A2ML1: variants seen among roughly 807,000 people sequenced by gnomAD.
A2ML1 encodes alpha-2-macroglobulin like 1.
Under a neutral mutation model 181.9 loss-of-function variants are expected in A2ML1, and 161 were observed. That is an observed-to-expected ratio of 0.89 (90% CI 0.78 to 1.01). The LOEUF (loss-of-function observed/expected upper bound fraction) is 1.01. A2ML1 is among the 50% of genes least tolerant of loss of function. The pLI, the probability that A2ML1 is intolerant of heterozygous loss-of-function variation, is 0.00. For synonymous variants in A2ML1, 663 were observed against 666.8 expected (o/e 0.99, Z 0.09); for missense variants, 1,670 against 1,768.1 (o/e 0.94, Z 1.00).
In A2ML1 at chr12:8,846,216, C is replaced by T. The variant is rs762982600; in HGVS notation, c.1677C>T (p.Asp559=). The change falls in exon 14 of 36, where the codon GAC becomes GAT. Residue 559 remains aspartate, a synonymous_variant. Transcript: ENST00000299698. ...KIQFSVEMCF[D]NQVSLGFSPS... ...AGTTCTCAGTCGAGATGTGCTTTGACAATCAGGTAAAATGATAGCGGAGAA... is the reference window on the plus strand; with the variant it reads ...AGTTCTCAGTCGAGATGTGCTTTGATAATCAGGTAAAATGATAGCGGAGAA... 2.5e-6 allele frequency: 4 copies of T among 1,614,032 alleles called. No individual in the cohort carries two copies. The African/African-American group carries it at 5.3e-5, about 22-fold the overall frequency.
chr12:8,867,934 G>C lies in A2ML1; in HGVS notation c.3810G>C (p.Glu1270Asp). ...EEINLVVKST[E>D]NFQRTFNIQS... is the part of the protein sequence containing the mutation. ...TCAACCTGGTTGTAAAATCCACTGA[G>C]AATTTCCAGCGCACATTCAACATAC... The change falls in exon 30 of 36, where the codon GAG becomes GAC. Residue 1270 changes from glutamate to aspartate, a missense_variant. Coordinates refer to ENST00000299698, the MANE Select transcript of A2ML1 (RefSeq NM_144670.6). The C allele has an allele frequency of 6.2e-7, 1 of 1,614,234 alleles. No individual in the cohort carries two copies. Among genetic ancestry groups the C allele is most frequent in the Non-Finnish European group, 8.5e-7 (1 of 1,180,050 alleles).
At position 8,823,886 on chromosome 12, in the gene A2ML1, A is replaced by T; in HGVS notation, c.409+4A>T. The stretch of plus-strand genomic sequence containing the variant: ...CTCTACACCCCAGGGCAGCAAGGTA[A>T]GAGTCACATATTTGGGGTTCGACTA... On this transcript the variant is annotated splice_donor_region_variant and intron_variant, in intron 3 of 35. Transcript: ENST00000299698. 1 of 1,608,494 alleles carries T rather than the reference A, an allele frequency of 6.2e-7. No individual in the cohort carries two copies. The highest frequency in any genetic ancestry group is 1.3e-5 in the African/African-American group (1 of 74,916).
At chr12:8,829,904 G>A in intron 4 of A2ML1, 125 bp downstream of exon 4, 2 of 1,125,072 alleles carry the variant, frequency 1.8e-6, no homozygotes, top group Non-Finnish European at 2.6e-6. Context: ...GGAGACTGCT[G>A]TGTGCGTGGG....
intron 7 of A2ML1, among the ~76,000 whole-genome samples, chr12:8,883,483 CTCTT>C (rs1180980495): frequency 1.3e-5 from 2 of 151,914 alleles, no homozygotes; most frequent in Non-Finnish European, 2.9e-5. Context: ...TTCTCTCTCT[CTCTT>C]TTTTTTTGAG....
intron 12 of A2ML1, chr12:8,845,131 A>G (rs1260053815): frequency 8.1e-6 from 12 of 1,479,070 alleles, no homozygotes; most frequent in Non-Finnish European, 1.1e-5. Flanking sequence ...TTATAAGAAA[A>G]TAAAATTTGG....
intron 34 of A2ML1, 49 bp downstream of exon 34, chr12:8,874,576 C>A: frequency 1.4e-6 from 2 of 1,404,132 alleles, no homozygotes; most frequent in Non-Finnish European, 2.0e-6. Flanking sequence ...CTGCATCTCC[C>A]AACTTACTTC....
chr12:8,859,751 G>A (rs1461262705), intron 26 of A2ML1, among the ~76,000 whole-genome samples: 3 of 152,050 alleles, frequency 2.0e-5, no homozygotes, highest in African/African-American at 7.2e-5. Flanking sequence ...TTTTAGTAGA[G>A]ATGGGGTTTC....
At chr12:8,826,508 C>T (rs756269866) in intron 3 of A2ML1, among the ~76,000 whole-genome samples, 20 of 152,182 alleles carry the variant, frequency 1.3e-4, no homozygotes, top group Admixed American at 2.0e-4. Context: ...AGTGCAGTGG[C>T]GGGATCACTG....
chr12:8,836,703 C>T (rs182807139), intron 7 of A2ML1, among the ~76,000 whole-genome samples: 1 of 151,962 alleles, frequency 6.6e-6, no homozygotes. Flanking sequence ...AGGCTGGTCT[C>T]GGACTCCTGA....
intron 16 of A2ML1, 42 bp from the exon 17 acceptor site, chr12:8,849,627 G>T: frequency 6.5e-7 from 1 of 1,527,048 alleles, no homozygotes; most frequent in Non-Finnish European, 9.1e-7. Context: ...TTGTAGTTGG[G>T]GAAGGGACCA....
chr12:8,827,451 CTCTTT>C (rs1448872673), intron 3 of A2ML1, among the ~76,000 whole-genome samples: 2 of 152,032 alleles, frequency 1.3e-5, no homozygotes, highest in Non-Finnish European at 2.9e-5. Flanking sequence ...AAGTCAATAC[CTCTTT>C]TTTTTTCTCT....
chr12:8,843,253 C>T lies in A2ML1; in HGVS notation c.1368C>T (p.His456=), dbSNP rs200983183. The T allele has an allele frequency of 2.3e-4, 372 of 1,614,236 alleles. 1 individual carries two copies. The highest frequency in any genetic ancestry group is 3.3e-4 in the Middle Eastern group (2 of 6,062). Residue 456 remains histidine (H), a synonymous_variant, in exon 12 of 36, where the codon CAC becomes CAT. Transcript: ENST00000299698. ...CAACCCGCAGCTTCCTTGGCATCCACCGGCTAAACGGCCCCTTGAAATGTG... is the reference window on the plus strand; with the variant it reads ...CAACCCGCAGCTTCCTTGGCATCCATCGGCTAAACGGCCCCTTGAAATGTG... ...YSTTRSFLGI[H]RLNGPLKCGQ...
In A2ML1 at chr12:8,858,123, C is replaced by T. The variant is rs758713360; in HGVS notation, c.3264+21C>T. On this transcript the variant is annotated intron_variant, in intron 26 of 35. Coordinates refer to ENST00000299698, the MANE Select transcript of A2ML1 (RefSeq NM_144670.6). ...TGAAGGTGCGGATCTGTCCAGGAGC[C>T]TGCAGCCAACCACTGTCTCGAAGGA... 4.4e-6 allele frequency: 7 copies of T among 1,607,754 alleles called. No homozygotes were observed. In the South Asian group the frequency reaches 4.4e-5, roughly 10 times the overall value.
intron 25 of A2ML1, 176 bp downstream of exon 25, chr12:8,857,764 C>A: frequency 9.2e-7 from 1 of 1,089,270 alleles, no homozygotes; most frequent in Admixed American, 2.3e-5. Context: ...TCTTCCTGAG[C>A]TTGTGCCTCC....
At chr12:8,865,488 G>A (rs1025783591) in intron 29 of A2ML1, among the ~76,000 whole-genome samples, 1 of 152,184 alleles carries the variant, frequency 6.6e-6, no homozygotes, top group Non-Finnish European at 1.5e-5. Flanking sequence ...GCGGTGAGCC[G>A]AGATGGCGCC....
At position 8,849,878 on chromosome 12, in the gene A2ML1, G is replaced by T. The variant is rs1010551482; in HGVS notation, c.2119+119G>T. 10 of 909,272 alleles carry T rather than the reference G, an allele frequency of 1.1e-5. No individual in the cohort carries two copies. In the South Asian group the frequency reaches 1.6e-4, roughly 15 times the overall value. The allele number at this position is 909,272 out of a possible 1,614,324, so 56.3% of individuals were successfully genotyped here. A position where few individuals can be genotyped will look rare whatever the true frequency, so the allele number is the denominator to read the frequency against. On this transcript the variant is annotated intron_variant, in intron 17 of 35. Transcript: ENST00000299698. ...TCTAGCCCGAGAATGCTAATGGGTT[G>T]TGGGTCACAGATGCAGGACAGTTTC... is the stretch of plus-strand genomic sequence containing the variant.
At chr12:8,857,112 G>C (rs1324595984) in intron 23 of A2ML1, 52 bp from the exon 24 acceptor site, 4 of 1,539,700 alleles carry the variant, frequency 2.6e-6, no homozygotes, top group Admixed American at 1.8e-5. Context: ...AACTCTTAGA[G>C]GGTCCCTTCT....
chr12:8,835,655 T>G lies in A2ML1; in HGVS notation c.632T>G (p.Val211Gly). ...AEGKTFGTFS[V>G]EEYVLPKFKV... ...GGCAAGACCTTTGGTACTTTCAGTG[T>G]GGAGGAATATGGTAGGTGGGGAAAT... is the stretch of plus-strand genomic sequence containing the variant. The change falls in exon 6 of 36, where the codon GTG becomes GGG. Residue 211 changes from valine to glycine, a missense_variant. Physicochemically the swap from Val to Gly is moderately radical, Grantham distance 109 (BLOSUM62 -3). Transcript: ENST00000299698. 1 of 1,614,072 alleles carries G rather than the reference T, an allele frequency of 6.2e-7. No homozygotes were observed. Among genetic ancestry groups the G allele is most frequent in the Non-Finnish European group, 8.5e-7 (1 of 1,179,984 alleles).
At position 8,851,845 on chromosome 12, in the gene A2ML1, A is replaced by G; in HGVS notation, c.2296A>G (p.Met766Val). The change falls in exon 19 of 36, where the codon ATG becomes GTG. Residue 766 changes from methionine (M) to valine (V), a missense_variant. Met to Val is a conservative substitution (Grantham distance 21). Coordinates refer to ENST00000299698, the MANE Select transcript of A2ML1 (RefSeq NM_144670.6). ...VPDAITEWKAMSFCTSQSRGF... is the reference protein window; with the variant it reads ...VPDAITEWKAVSFCTSQSRGF... The stretch of plus-strand genomic sequence containing the variant: ...TGACGCCATCACCGAGTGGAAGGCG[A>G]TGAGTTTCTGCACTTCCCAGTCAAG... 1 of 1,614,130 alleles carries G rather than the reference A, an allele frequency of 6.2e-7. No individual in the cohort carries two copies. The highest frequency in any genetic ancestry group is 8.5e-7 in the Non-Finnish European group (1 of 1,180,026).
Sources: allele counts gnomAD v4.1 joint callset (sites outside exome capture counted in the v4.1 genomes callset), GRCh38; gene constraint gnomAD v4.1.1; transcripts MANE v1.5; gene names NCBI Gene and HGNC (gene_info 2026-07-23, HGNC 2026-07-21).